HHIPL1: variants seen among roughly 807,000 people sequenced by gnomAD.
HHIPL1 encodes HHIP-like protein 1.
In HHIPL1, 43 loss-of-function variants were observed where a neutral mutation model predicts 61.8. The ratio of observed to expected loss-of-function variants is 0.70; its 90% CI spans 0.55 to 0.90. HHIPL1 has a LOEUF of 0.90. Ranked by LOEUF, HHIPL1 falls within the 40% of genes least tolerant of loss-of-function variation. HHIPL1 has a pLI of 0.00. For synonymous variants in HHIPL1, 482 were observed against 515.8 expected (o/e 0.93, Z 0.89); for missense variants, 1,056 against 1,157.7 (o/e 0.91, Z 1.28).
the HHIPL1 span, among the ~76,000 whole-genome samples, chr14:99,631,726 C>T: frequency 6.6e-6 from 1 of 152,204 alleles, no homozygotes; most frequent in East Asian, 1.9e-4. Context: ...AAGCAATTCT[C>T]CTGCCTCAGC....
In HHIPL1 at chr14:99,645,154, CG is replaced by C; in HGVS notation, c.-51del. ...CCCTTCCCTGCCGCCGCGAGCGCCC[CG>C]GGAGGGGACCGGGGCTGCCGTCCCT... On this transcript the variant is annotated 5_prime_UTR_variant, in exon 1 of 9. Coordinates refer to ENST00000330710, the MANE Select transcript of HHIPL1 (RefSeq NM_001127258.3). 1 of 1,246,096 alleles carries C rather than the reference CG, an allele frequency of 8.0e-7. No individual in the cohort carries two copies. The highest frequency in any genetic ancestry group is 1.0e-6 in the Non-Finnish European group (1 of 995,362). 77.2% of individuals were successfully genotyped at this position (1,246,096 alleles called of 1,614,324 possible).
the HHIPL1 span, among the ~76,000 whole-genome samples, chr14:99,632,630 G>A: frequency 8.5e-5 from 13 of 152,216 alleles, no homozygotes; most frequent in Admixed American, 2.0e-4. Flanking sequence ...CCACAGTGGC[G>A]TTTGGGTGAC....
chr14:99,632,138 A>G, the HHIPL1 span, among the ~76,000 whole-genome samples: 13 of 152,208 alleles, frequency 8.5e-5, no homozygotes, highest in African/African-American at 3.1e-4. Context: ...ATCCGTCTGC[A>G]ACTGCTGACC....
chr14:99,652,977 C>A, intron 2 of HHIPL1, 107 bp downstream of exon 2: 1 of 1,130,850 alleles, frequency 8.8e-7, no homozygotes, highest in Non-Finnish European at 1.2e-6. Flanking sequence ...ATATTTAACA[C>A]ACCTGGTGGG....
chr14:99,635,649 C>T, the HHIPL1 span, among the ~76,000 whole-genome samples: 1 of 151,852 alleles, frequency 6.6e-6, no homozygotes, highest in Non-Finnish European at 1.5e-5. Flanking sequence ...GTGAGCCCAT[C>T]TCATTCATTC....
At chr14:99,650,701 C>A (rs2055915127) in intron 1 of HHIPL1, among the ~76,000 whole-genome samples, 1 of 152,242 alleles carries the variant, frequency 6.6e-6, no homozygotes, top group Admixed American at 6.5e-5. Context: ...CCATGGTTGC[C>A]TTGAGGAGGA....
intron 2 of HHIPL1, among the ~76,000 whole-genome samples, chr14:99,655,383 A>T (rs1015917840): frequency 2.0e-5 from 3 of 152,146 alleles, no homozygotes; most frequent in Admixed American, 6.5e-5. Flanking sequence ...GCACTTTGGG[A>T]GGCCAAGCAA....
intron 5 of HHIPL1, among the ~76,000 whole-genome samples, 177 bp from the exon 6 acceptor site, chr14:99,662,699 G>A (rs2056170942): frequency 1.3e-5 from 2 of 152,232 alleles, no homozygotes; most frequent in Admixed American, 6.5e-5. Flanking sequence ...TGCGAATTGT[G>A]TATGGTCCTT....
chr14:99,656,768 CTG>C (rs2056034201), intron 2 of HHIPL1, among the ~76,000 whole-genome samples: 1 of 57,408 alleles, frequency 1.7e-5, no homozygotes, highest in South Asian at 8.8e-4. Flanking sequence ...GAGCAACACT[CTG>C]TCTGCAAAAA....
rs1229629899 is a variant in HHIPL1 at position 99,676,729 on chromosome 14, G to T, written c.*1103G>T. On this transcript the variant is annotated 3_prime_UTR_variant, in exon 9 of 9. Transcript: ENST00000330710. The stretch of plus-strand genomic sequence containing the variant: ...GTGTGGGAGCCGGGGTGGGAACCAG[G>T]AGAAAGGGGTGAGGCCTCCCGCTTC... 6.6e-6 allele frequency: 1 copy of T among 152,306 alleles called. No individual in the cohort carries two copies. Among genetic ancestry groups the T allele is most frequent in the South Asian group, 2.1e-4 (1 of 4,826 alleles). 9.4% of individuals were successfully genotyped at this position (152,306 alleles called of 1,614,324 possible). A position where few individuals can be genotyped will look rare whatever the true frequency, so the allele number is the denominator to read the frequency against.
chr14:99,668,871 TCCTTCC>T lies in HHIPL1; in HGVS notation c.1730+569_1730+574del. The stretch of plus-strand genomic sequence containing the variant: ...GCGCCATGCCCGGCTATGTCCCAGC[TCCTTCC>T]GTGTGCAGCTCATTGACGTCTCAGC... On this transcript the variant is annotated intron_variant, in intron 7 of 8. Transcript: ENST00000330710. The surrounding 1 kb of genome is among the most constrained non-coding windows in gnomAD (Gnocchi z 4.7). 6 of 1,614,098 alleles carry T rather than the reference TCCTTCC, an allele frequency of 3.7e-6. No individual in the cohort carries two copies. The highest frequency in any genetic ancestry group is 5.1e-6 in the Non-Finnish European group (6 of 1,180,030).
At chr14:99,644,961 C>T, upstream of HHIPL1, 1 of 355,992 alleles carries the variant, frequency 2.8e-6, no homozygotes, top group East Asian at 4.2e-5. Flanking sequence ...TTTAAACAGA[C>T]CGGGCCACTC....
intron 7 of HHIPL1, chr14:99,669,010 C>A (rs2056295109): frequency 1.3e-6 from 2 of 1,525,640 alleles, no homozygotes; most frequent in South Asian, 2.4e-5. Flanking sequence ...CTGCCCTAAC[C>A]CCTTGGCTGT....
In HHIPL1 at chr14:99,652,634, G is replaced by C. The variant is rs534949060; in HGVS notation, c.666G>C (p.Leu222=). 8.1e-6 allele frequency: 13 copies of C among 1,613,472 alleles called. No individual in the cohort carries two copies. In the East Asian group the frequency reaches 2.0e-4, roughly 25 times the overall value. ...AGGTGGGGCTGGTGTGGGCCTACCT[G>C]CCCGACCGCTCGAGGCTGGGGAAGC... ...AEQVGLVWAY[L]PDRSRLGKPF... is the part of the protein sequence containing the mutation. Residue 222 remains leucine, a synonymous_variant, in exon 2 of 9, where the codon CTG becomes CTC. Transcript: ENST00000330710.
chr14:99,649,271 C>T (rs4905878), intron 1 of HHIPL1, among the ~76,000 whole-genome samples: 54,208 of 152,098 alleles, frequency 0.36, 10,374 homozygotes, highest in South Asian at 0.45. Context: ...CTTTGGTGAA[C>T]GGAGGGCTCT....
the HHIPL1 span, among the ~76,000 whole-genome samples, chr14:99,619,151 G>A: frequency 2.0e-5 from 3 of 152,006 alleles, no homozygotes; most frequent in Admixed American, 6.6e-5. Flanking sequence ...TACAGATGCC[G>A]CAACTAAGAC....
chr14:99,621,798 C>T, the HHIPL1 span, among the ~76,000 whole-genome samples: 1 of 135,976 alleles, frequency 7.4e-6, no homozygotes, highest in African/African-American at 2.7e-5. Context: ...TCACTGCAAC[C>T]TCTACCTCCC....
the HHIPL1 span, among the ~76,000 whole-genome samples, chr14:99,606,680 G>A: frequency 6.6e-6 from 1 of 152,200 alleles, no homozygotes; most frequent in Non-Finnish European, 1.5e-5. Context: ...CAGGCTGTGT[G>A]GACCAAGGAC....
chr14:99,676,221 G>C lies in HHIPL1; in HGVS notation c.*595G>C, dbSNP rs1440221437. On this transcript the variant is annotated 3_prime_UTR_variant, in exon 9 of 9. Coordinates refer to ENST00000330710, the MANE Select transcript of HHIPL1 (RefSeq NM_001127258.3). ...GAAGGTGGGAGCAGGGTGAGCTGCA[G>C]GCCTGGGGCCCCACTGGAGGGGCAG... 1 of 153,232 alleles carries C rather than the reference G, an allele frequency of 6.5e-6. No homozygotes were observed. The allele number at this position is 153,232 out of a possible 1,614,324, so 9.5% of individuals were successfully genotyped here.
Sources: allele counts gnomAD v4.1 joint callset (sites outside exome capture counted in the v4.1 genomes callset), GRCh38; gene constraint gnomAD v4.1.1; non-coding constraint Gnocchi (gnomAD v3.1); transcripts MANE v1.5; gene names NCBI Gene and HGNC (gene_info 2026-07-23, HGNC 2026-07-21).